ACADM: variants seen among roughly 807,000 people sequenced by gnomAD.
ACADM encodes the protein medium-chain specific acyl-CoA dehydrogenase, mitochondrial.
A neutral mutation model predicts 58.9 loss-of-function variants in ACADM; 49 were observed. The ratio of observed to expected loss-of-function variants is 0.83; its 90% CI spans 0.66 to 1.06. The LOEUF (loss-of-function observed/expected upper bound fraction) is 1.06, where lower values mean the gene tolerates loss of function less well. Among genes scored for constraint, ACADM ranks in the 50% least tolerant of loss-of-function variants. The pLI is 0.00. For missense variants in ACADM, 496 were observed against 507.0 expected (o/e 0.98, Z 0.21); for synonymous variants, 160 against 157.7 (o/e 1.01, Z -0.11).
At chr1:75,756,985 G>T (rs1648543873) in intron 10 of ACADM, among the ~76,000 whole-genome samples, 1 of 152,150 alleles carries the variant, frequency 6.6e-6, no homozygotes. Context: ...AATAAATGGT[G>T]CTGGGAAAAC....
Position 75,733,512 on chromosome 1 carries a change from C to T in ACADM, c.287-16C>T, listed in dbSNP as rs368504798. On this transcript the variant is annotated splice_polypyrimidine_tract_variant and intron_variant, in intron 4 of 11. Transcript: ENST00000370841. ...TACTACATATTACAATGTGTTGAAA[C>T]ATTTTGATACTGTAGGAGGTCTTGG... The T allele has an allele frequency of 6.3e-5, 100 of 1,595,722 alleles. No individual in the cohort carries two copies. The highest frequency in any genetic ancestry group is 8.4e-5 in the Non-Finnish European group (98 of 1,163,574).
At chr1:75,734,095 C>T (rs541506809) in intron 5 of ACADM, among the ~76,000 whole-genome samples, 21 of 151,986 alleles carry the variant, frequency 1.4e-4, no homozygotes, top group Non-Finnish European at 2.6e-4. Flanking sequence ...AAGCAATTCT[C>T]CTGCCTCAGC....
At chr1:75,735,319 CAAAA>C (rs33952162) in intron 6 of ACADM, among the ~76,000 whole-genome samples, 12 of 101,798 alleles carry the variant, frequency 1.2e-4, no homozygotes, top group South Asian at 3.7e-4. Flanking sequence ...GACCCTGTCT[CAAAA>C]AAAAAAAAAA....
At chr1:75,747,075 T>C (rs1214797368) in intron 8 of ACADM, among the ~76,000 whole-genome samples, 1 of 152,234 alleles carries the variant, frequency 6.6e-6, no homozygotes, top group Non-Finnish European at 1.5e-5. Context: ...TTAAAAATTA[T>C]TGTGCTTTTC....
chr1:75,730,830 C>G (rs12067063), intron 2 of ACADM, among the ~76,000 whole-genome samples: 9 of 152,254 alleles, frequency 5.9e-5, no homozygotes, highest in African/African-American at 2.2e-4. Flanking sequence ...CCCAGACTTT[C>G]TCTACCCTCT....
chr1:75,755,693 CAA>C (rs1457416036), intron 10 of ACADM, among the ~76,000 whole-genome samples: 1 of 152,208 alleles, frequency 6.6e-6, no homozygotes, highest in Admixed American at 6.5e-5. Flanking sequence ...TTCTACAAAT[CAA>C]GAGTGCCTCT....
At chr1:75,753,479 G>C (rs952509235) in intron 10 of ACADM, among the ~76,000 whole-genome samples, 2 of 150,948 alleles carry the variant, frequency 1.3e-5, no homozygotes, top group East Asian at 3.9e-4. Flanking sequence ...AACTACATAT[G>C]TACATTTTAC....
At chr1:75,750,925 T>C (rs987653888) in intron 10 of ACADM, 1 of 316,000 alleles carries the variant, frequency 3.2e-6, no homozygotes. Flanking sequence ...ATTTTTGTAT[T>C]TTTAGTAGAG....
chr1:75,751,239 C>A (rs553376746), intron 10 of ACADM, among the ~76,000 whole-genome samples: 64 of 150,996 alleles, frequency 4.2e-4, no homozygotes, highest in Non-Finnish European at 6.3e-4. Context: ...ACTCGGGAGG[C>A]TGAGGCAGGA....
chr1:75,729,994 A>G (rs1231671453), intron 2 of ACADM, among the ~76,000 whole-genome samples: 1 of 143,706 alleles, frequency 7.0e-6, no homozygotes, highest in Non-Finnish European at 1.5e-5. Flanking sequence ...TCCTGGGTTC[A>G]AGCGATTCTC....
intron 10 of ACADM, 121 bp downstream of exon 10, chr1:75,750,667 G>A (rs942688019): frequency 2.6e-5 from 20 of 769,034 alleles, no homozygotes; most frequent in Non-Finnish European, 4.1e-5. Flanking sequence ...AAGATAATGT[G>A]GTTTTATCAA....
chr1:75,730,843 C>A (rs1015179712), intron 2 of ACADM, among the ~76,000 whole-genome samples: 4 of 152,126 alleles, frequency 2.6e-5, no homozygotes, highest in Non-Finnish European at 5.9e-5. Context: ...TACCCTCTAT[C>A]TACCTGCAAG....
chr1:75,727,307 TTTC>T (rs1647072490), intron 1 of ACADM, among the ~76,000 whole-genome samples: 1 of 152,246 alleles, frequency 6.6e-6, no homozygotes, highest in African/African-American at 2.4e-5. Context: ...ACAAAGACAG[TTTC>T]TTTTTACGGA....
At chr1:75,753,900 A>G (rs1648347848) in intron 10 of ACADM, among the ~76,000 whole-genome samples, 1 of 139,502 alleles carries the variant, frequency 7.2e-6, no homozygotes. Context: ...GGCTTAAGTG[A>G]TCCTCCTACC....
intron 7 of ACADM, chr1:75,744,107 T>C (rs1146579): frequency 0.31 from 476,612 of 1,548,382 alleles, 82,183 homozygotes; most frequent in African/African-American, 0.55. Flanking sequence ...CATTTTCTCC[T>C]GATGTTCTGA....
intron 1 of ACADM, among the ~76,000 whole-genome samples, chr1:75,725,674 C>T (rs1008105373): frequency 6.6e-6 from 1 of 152,178 alleles, no homozygotes; most frequent in Non-Finnish European, 1.5e-5. Context: ...CCAAGAAATG[C>T]ACAAAAGTGT....
At chr1:75,732,580 C>T (rs888719915) in intron 2 of ACADM, 64 bp from the exon 3 acceptor site, 7 of 1,253,760 alleles carry the variant, frequency 5.6e-6, no homozygotes, top group Non-Finnish European at 8.2e-6. Context: ...TTTCTACATA[C>T]TGACTTCATA....
chr1:75,754,209 G>GTT (rs201392684), intron 10 of ACADM, among the ~76,000 whole-genome samples: 35 of 114,970 alleles, frequency 3.0e-4, no homozygotes, highest in Admixed American at 5.2e-4. Context: ...TCAGTTTTTT[G>GTT]TTTTTTTTTT....
chr1:75,737,887 C>T (rs1260174520), intron 6 of ACADM, among the ~76,000 whole-genome samples: 2 of 151,796 alleles, frequency 1.3e-5, no homozygotes, highest in African/African-American at 4.8e-5. Flanking sequence ...GCTATATTGC[C>T]CTTCAGATGT....
Sources: allele counts gnomAD v4.1 joint callset (sites outside exome capture counted in the v4.1 genomes callset), GRCh38; gene constraint gnomAD v4.1.1; transcripts MANE v1.5; gene names NCBI Gene and HGNC (gene_info 2026-07-23, HGNC 2026-07-21).